Variants in TMTC2 observed in about 807,000 individuals in gnomAD.
The protein encoded by TMTC2 is transmembrane O-mannosyltransferase targeting cadherins 2.
In TMTC2, 43 loss-of-function variants were observed where a neutral mutation model predicts 82.4. The ratio of observed to expected loss-of-function variants is 0.52; its 90% CI spans 0.41 to 0.67. The LOEUF is 0.67. Ranked by LOEUF, TMTC2 falls within the 30% of genes least tolerant of loss-of-function variation. TMTC2 has a pLI of 0.00. For missense variants in TMTC2, 919 were observed against 1,012.4 expected, an observed-to-expected ratio of 0.91 and a Z score of 1.25; for synonymous variants, 408 against 381.9, an observed-to-expected ratio of 1.07 and a Z score of -0.80.
In TMTC2 at chr12:82,769,033, A is replaced by G. The variant is rs188309908; in HGVS notation, c.83+81364A>G. Among the ~76,000 whole-genome samples, 4 of 151,682 alleles carry G rather than the reference A, an allele frequency of 2.6e-5. No individual in the cohort carries two copies. In the East Asian group the frequency reaches 7.7e-4, roughly 29 times the overall value. On this transcript the variant is annotated intron_variant, in intron 1 of 11. Transcript: ENST00000321196. ...CCAAAACACACACTGTCTGCAGGCA[A>G]GCAAATCCCAAAGAGCTTCAGGGGC...
chr12:83,069,627 C>A (rs1883038329), intron 11 of TMTC2, among the ~76,000 whole-genome samples: 1 of 152,156 alleles, frequency 6.6e-6, no homozygotes, highest in Non-Finnish European at 1.5e-5. Flanking sequence ...TGCAGATTTT[C>A]TCCCACTCTG....
chr12:83,052,478 A>G (rs529743310), intron 10 of TMTC2, among the ~76,000 whole-genome samples: 1 of 152,262 alleles, frequency 6.6e-6, no homozygotes, highest in South Asian at 2.1e-4. Context: ...AATTTTTAAA[A>G]GACACCTCAA....
chr12:82,820,368 T>A (rs1869017903), intron 1 of TMTC2, among the ~76,000 whole-genome samples: 1 of 152,082 alleles, frequency 6.6e-6, no homozygotes, highest in African/African-American at 2.4e-5. Flanking sequence ...TTCCTTCTTT[T>A]TCTTTTCTCT....
chr12:83,064,293 G>C (rs771728794), intron 11 of TMTC2, among the ~76,000 whole-genome samples: 4 of 151,804 alleles, frequency 2.6e-5, no homozygotes, highest in Non-Finnish European at 4.4e-5. Flanking sequence ...AATTTTAAAA[G>C]ACTAACCAAA....
intron 3 of TMTC2, among the ~76,000 whole-genome samples, chr12:82,907,456 C>A (rs1874383963): frequency 6.6e-6 from 1 of 151,240 alleles, no homozygotes. Context: ...GAGTGAGACT[C>A]CTTCTCAACT....
chr12:83,031,450 C>T (rs1374893200), intron 9 of TMTC2, among the ~76,000 whole-genome samples: 1 of 151,226 alleles, frequency 6.6e-6, no homozygotes, highest in Non-Finnish European at 1.5e-5. Context: ...CTCTGTCACA[C>T]TCTGCTCTGT....
intron 3 of TMTC2, among the ~76,000 whole-genome samples, chr12:82,918,786 CTTGCTCTG>C (rs1875185529): frequency 1.3e-5 from 2 of 151,468 alleles, no homozygotes; most frequent in Non-Finnish European, 2.9e-5. Context: ...GAGACAGAGT[CTTGCTCTG>C]TTGCTCAGGC....
intron 1 of TMTC2, among the ~76,000 whole-genome samples, chr12:82,815,591 C>A (rs990198679): frequency 6.6e-6 from 1 of 151,966 alleles, no homozygotes; most frequent in Admixed American, 6.6e-5. Context: ...GGATTACAGG[C>A]GTCCTTCAAG....
chr12:83,108,975 C>T (rs1437249950), intron 11 of TMTC2, among the ~76,000 whole-genome samples: 3 of 152,116 alleles, frequency 2.0e-5, no homozygotes, highest in Non-Finnish European at 2.9e-5. Flanking sequence ...CTTCTGTTCA[C>T]GTAAGATCCA....
intron 2 of TMTC2, among the ~76,000 whole-genome samples, chr12:82,885,973 T>C (rs986626159): frequency 1.3e-5 from 2 of 152,254 alleles, no homozygotes; most frequent in Non-Finnish European, 2.9e-5. Context: ...GGAATTCTTC[T>C]GCAAAGAAGA....
intron 4 of TMTC2, among the ~76,000 whole-genome samples, chr12:82,958,480 G>C (rs1422865726): frequency 1.3e-5 from 2 of 151,642 alleles, no homozygotes; most frequent in African/African-American, 4.9e-5. Flanking sequence ...AAGGTAAGTC[G>C]CCATGATCAA....
At chr12:83,124,702 A>G (rs1286813893) in intron 11 of TMTC2, among the ~76,000 whole-genome samples, 1 of 152,178 alleles carries the variant, frequency 6.6e-6, no homozygotes, top group African/African-American at 2.4e-5. Flanking sequence ...CTCAGACACA[A>G]TGTACATTGA....
At chr12:83,058,186 T>C (rs1187090674) in intron 10 of TMTC2, among the ~76,000 whole-genome samples, 1 of 151,860 alleles carries the variant, frequency 6.6e-6, no homozygotes, top group African/African-American at 2.4e-5. Context: ...AATTTTATAG[T>C]CCCATGTACA....
At chr12:82,994,430 G>A (rs937026881) in intron 8 of TMTC2, among the ~76,000 whole-genome samples, 5 of 143,984 alleles carry the variant, frequency 3.5e-5, no homozygotes, top group African/African-American at 1.3e-4. Context: ...TACCGTGCCC[G>A]TCTCACACAT....
chr12:83,034,186 T>C (rs531696640), intron 9 of TMTC2, among the ~76,000 whole-genome samples: 21 of 152,110 alleles, frequency 1.4e-4, no homozygotes, highest in African/African-American at 4.1e-4. Context: ...ATGTCATCTT[T>C]AGAAGGTGAT....
intron 1 of TMTC2, among the ~76,000 whole-genome samples, chr12:82,696,980 A>G (rs1872829542): frequency 6.6e-6 from 1 of 150,862 alleles, no homozygotes; most frequent in African/African-American, 2.4e-5. Flanking sequence ...ATATATATAT[A>G]TATGTTTCTA....
At chr12:83,121,651 T>A (rs1884950802) in intron 11 of TMTC2, among the ~76,000 whole-genome samples, 1 of 152,058 alleles carries the variant, frequency 6.6e-6, no homozygotes, top group Non-Finnish European at 1.5e-5. Context: ...GATGTGGCGC[T>A]TCCCAGAGAG....
intron 8 of TMTC2, among the ~76,000 whole-genome samples, chr12:83,002,569 C>T (rs1455216534): frequency 6.6e-6 from 1 of 152,138 alleles, no homozygotes; most frequent in Non-Finnish European, 1.5e-5. Context: ...TTCCTCTTAA[C>T]ATTGCTTTTT....
intron 9 of TMTC2, among the ~76,000 whole-genome samples, chr12:83,033,042 A>G (rs992466711): frequency 6.6e-6 from 1 of 152,214 alleles, no homozygotes; most frequent in Non-Finnish European, 1.5e-5. Flanking sequence ...ATATAATTTT[A>G]TGAAACATAA....
Sources: gnomAD v4.1 joint callset for allele counts (sites outside exome capture counted in the v4.1 genomes callset) on GRCh38, gnomAD v4.1.1 for gene constraint, MANE v1.5 for transcripts, NCBI Gene and HGNC (gene_info 2026-07-23, HGNC 2026-07-21) for gene names.